Variants in ASIC2 observed in about 807,000 individuals in gnomAD.
The protein encoded by ASIC2 is acid-sensing ion channel 2.
A neutral mutation model predicts 57.3 loss-of-function variants in ASIC2; 25 were observed. The observed-to-expected ratio is 0.44, with a 90% CI of 0.32 to 0.61. The LOEUF (loss-of-function observed/expected upper bound fraction) is 0.61. Among genes scored for constraint, ASIC2 ranks in the 20% least tolerant of loss-of-function variants. The pLI is 0.06. For synonymous variants in ASIC2, 319 were observed against 307.5 expected (o/e 1.04, Z -0.39); for missense variants, 641 against 738.1 (o/e 0.87, Z 1.52).
intron 1 of ASIC2, among the ~76,000 whole-genome samples, chr17:33,481,264 C>A (rs561156207): frequency 6.6e-6 from 1 of 152,306 alleles, no homozygotes; most frequent in Admixed American, 6.5e-5. Flanking sequence ...CTTTTTCTCA[C>A]GCGTGCTTAC....
At chr17:33,181,098 C>G (rs1189224472) in intron 1 of ASIC2, among the ~76,000 whole-genome samples, 2 of 152,098 alleles carry the variant, frequency 1.3e-5, no homozygotes, top group African/African-American at 2.4e-5. Flanking sequence ...ACCGAGATTA[C>G]CATCCACCAG....
chr17:33,769,005 A>T (rs1044175578), intron 1 of ASIC2, among the ~76,000 whole-genome samples: 1 of 152,206 alleles, frequency 6.6e-6, no homozygotes, highest in Non-Finnish European at 1.5e-5. Flanking sequence ...TAATAAAAAA[A>T]ATTCTCCACC....
chr17:33,769,845 G>T (rs546816417), intron 1 of ASIC2, among the ~76,000 whole-genome samples: 1 of 152,178 alleles, frequency 6.6e-6, no homozygotes, highest in African/African-American at 2.4e-5. Flanking sequence ...TCTTCTCACT[G>T]TGTCCTCACA....
intron 1 of ASIC2, among the ~76,000 whole-genome samples, chr17:34,011,172 C>T (rs910513010): frequency 1.3e-5 from 2 of 151,530 alleles, no homozygotes; most frequent in African/African-American, 4.8e-5. Flanking sequence ...TGCCTCCAGT[C>T]AAACATGCAC....
chr17:33,231,248 C>T (rs1908079562), intron 1 of ASIC2, among the ~76,000 whole-genome samples: 1 of 152,210 alleles, frequency 6.6e-6, no homozygotes, highest in African/African-American at 2.4e-5. Flanking sequence ...TGTTCATCTT[C>T]CCTGCCTTTC....
chr17:34,153,195 C>G lies in ASIC2; in HGVS notation c.555+2783G>C, dbSNP rs374075777. Among the ~76,000 whole-genome samples the G allele has an allele frequency of 1.1e-4, 16 of 152,336 alleles. No homozygotes were observed. In the South Asian group the frequency reaches 1.9e-3, roughly 18 times the overall value. On this transcript the variant is annotated intron_variant, in intron 1 of 9. Transcript: ENST00000359872. ...TAGAGCATTTGCACTGGAGATGCCA[C>G]TAGATATGCTTCATAGAAAAAGAAA... is the stretch of plus-strand genomic sequence containing the variant.
chr17:33,632,864 A>G (rs1210538148), intron 1 of ASIC2, among the ~76,000 whole-genome samples: 3 of 152,196 alleles, frequency 2.0e-5, no homozygotes, highest in Admixed American at 2.0e-4. Context: ...TTCTACTTGT[A>G]GATGACATTG....
chr17:33,021,203 A>C lies in ASIC2; in HGVS notation c.1441+16T>G. On this transcript the variant is annotated intron_variant, in intron 7 of 9. Coordinates refer to ENST00000225823, the MANE Select transcript of ASIC2 (RefSeq NM_183377.2). ...TCTATGAGATGTGGAAATTTGTGCA[A>C]TAGACACTGACTTACCAAGTAAGGC... The C allele has an allele frequency of 6.3e-7, 1 of 1,580,890 alleles. No individual in the cohort carries two copies. Among genetic ancestry groups the C allele is most frequent in the Non-Finnish European group, 8.7e-7 (1 of 1,153,094 alleles).
intron 1 of ASIC2, among the ~76,000 whole-genome samples, chr17:33,211,480 A>G (rs1387101384): frequency 6.6e-6 from 1 of 151,998 alleles, no homozygotes; most frequent in African/African-American, 2.4e-5. Context: ...GGATCTGAGG[A>G]AAGTAAAAAT....
At chr17:33,885,370 A>G (rs1914804198) in intron 1 of ASIC2, among the ~76,000 whole-genome samples, 1 of 152,228 alleles carries the variant, frequency 6.6e-6, no homozygotes, top group Non-Finnish European at 1.5e-5. Flanking sequence ...CACAGTGTTA[A>G]GAACAAAGCA....
chr17:33,492,882 C>T (rs963053844), intron 1 of ASIC2, among the ~76,000 whole-genome samples: 4 of 152,176 alleles, frequency 2.6e-5, no homozygotes, highest in Admixed American at 1.3e-4. Flanking sequence ...CCTCTCTGTA[C>T]ATAGCCTGCG....
chr17:33,486,303 G>T (rs1307176088), intron 1 of ASIC2, among the ~76,000 whole-genome samples: 1 of 152,186 alleles, frequency 6.6e-6, no homozygotes. Flanking sequence ...TGCCCCCAAA[G>T]TTCAGAGATG....
At chr17:33,879,903 G>A (rs1036370613) in intron 1 of ASIC2, among the ~76,000 whole-genome samples, 6 of 152,178 alleles carry the variant, frequency 3.9e-5, no homozygotes, top group African/African-American at 1.4e-4. Flanking sequence ...GTAACAAACT[G>A]TCTCTCAGAC....
intron 9 of ASIC2, 113 bp downstream of exon 9, chr17:33,015,858 T>C (rs757643727): frequency 9.9e-6 from 11 of 1,109,126 alleles, no homozygotes; most frequent in Non-Finnish European, 1.3e-5. Context: ...TCCCAAGCCA[T>C]GGAAAGGTGT....
At chr17:33,291,239 A>G (rs1030897641) in intron 1 of ASIC2, 169 bp downstream of exon 1, 5 of 1,374,592 alleles carry the variant, frequency 3.6e-6, no homozygotes, top group Non-Finnish European at 4.7e-6. Flanking sequence ...AGTTCCCACA[A>G]CCTGCAGGAG....
chr17:33,158,150 C>T (rs1905061237), intron 1 of ASIC2, among the ~76,000 whole-genome samples: 1 of 152,216 alleles, frequency 6.6e-6, no homozygotes, highest in African/African-American at 2.4e-5. Context: ...TGGTATCCTA[C>T]CAGTATAACC....
chr17:33,405,633 G>C (rs1052673814), intron 1 of ASIC2, among the ~76,000 whole-genome samples: 1 of 151,766 alleles, frequency 6.6e-6, no homozygotes, highest in Non-Finnish European at 1.5e-5. Context: ...ACAGGCGCCC[G>C]CCACCACACC....
chr17:33,500,036 T>C (rs1914053856), intron 1 of ASIC2, among the ~76,000 whole-genome samples: 1 of 150,652 alleles, frequency 6.6e-6, no homozygotes, highest in South Asian at 2.1e-4. Flanking sequence ...TTACACAGTT[T>C]AATTAAAAAA....
intron 1 of ASIC2, among the ~76,000 whole-genome samples, chr17:33,502,080 T>C (rs1914116297): frequency 6.6e-6 from 1 of 151,410 alleles, no homozygotes; most frequent in Non-Finnish European, 1.5e-5. Context: ...TGAAATCTAG[T>C]GAGTTCCAGG....
Sources: allele counts gnomAD v4.1 joint callset (sites outside exome capture counted in the v4.1 genomes callset), GRCh38; gene constraint gnomAD v4.1.1; transcripts MANE v1.5; gene names NCBI Gene and HGNC (gene_info 2026-07-23, HGNC 2026-07-21).